VAV3: variants seen among roughly 807,000 people sequenced by gnomAD.
VAV3 encodes guanine nucleotide exchange factor VAV3.
Under a neutral mutation model 131.2 loss-of-function variants are expected in VAV3, and 94 were observed. The observed-to-expected ratio is 0.72, with a 90% CI of 0.61 to 0.85. The LOEUF (loss-of-function observed/expected upper bound fraction) is 0.85. Among genes scored for constraint, VAV3 ranks in the 40% least tolerant of loss-of-function variants. The probability of loss-of-function intolerance (pLI) is 0.00; values close to 1 mark genes in which losing one functional copy is unlikely to be tolerated. For synonymous variants in VAV3, 349 were observed against 342.0 expected, an observed-to-expected ratio of 1.02 and a Z score of -0.22; for missense variants, 939 against 1,002.7, an observed-to-expected ratio of 0.94 and a Z score of 0.86.
At chr1:107,705,286 C>G (rs897390315) in intron 15 of VAV3, among the ~76,000 whole-genome samples, 3 of 151,044 alleles carry the variant, frequency 2.0e-5, no homozygotes, top group African/African-American at 7.3e-5. Context: ...ACATAGCAAC[C>G]TAATCCTCCT....
chr1:107,640,051 T>C (rs894990787), intron 20 of VAV3, among the ~76,000 whole-genome samples: 2 of 152,140 alleles, frequency 1.3e-5, no homozygotes, highest in Non-Finnish European at 2.9e-5. Flanking sequence ...TGAGTAACAA[T>C]TTAATAATTT....
At chr1:107,741,947 G>A (rs986170177) in intron 15 of VAV3, among the ~76,000 whole-genome samples, 5 of 152,176 alleles carry the variant, frequency 3.3e-5, no homozygotes, top group African/African-American at 1.2e-4. Context: ...CAGACTACTA[G>A]AAAGAAACAT....
chr1:107,629,977 A>C (rs1422422184), intron 20 of VAV3, among the ~76,000 whole-genome samples: 1 of 152,164 alleles, frequency 6.6e-6, no homozygotes, highest in Admixed American at 6.6e-5. Flanking sequence ...CAGGTCAGAA[A>C]GCATAACTTC....
chr1:107,873,946 T>C (rs1458733014), intron 2 of VAV3, among the ~76,000 whole-genome samples: 1 of 152,204 alleles, frequency 6.6e-6, no homozygotes, highest in Non-Finnish European at 1.5e-5. Context: ...CTCAAGTTTA[T>C]GCTGTTTAGC....
chr1:107,603,415 G>A (rs560215166), intron 22 of VAV3, among the ~76,000 whole-genome samples: 1 of 152,262 alleles, frequency 6.6e-6, no homozygotes, highest in Non-Finnish European at 1.5e-5. Context: ...AAATAAATGG[G>A]ACACAGAGGA....
chr1:107,662,622 A>T (rs1657105609), intron 19 of VAV3, among the ~76,000 whole-genome samples: 1 of 152,216 alleles, frequency 6.6e-6, no homozygotes, highest in Non-Finnish European at 1.5e-5. Context: ...AAAGCTTCTT[A>T]TAGCCCAAAT....
intron 2 of VAV3, among the ~76,000 whole-genome samples, chr1:107,786,821 A>T (rs1172545108): frequency 6.6e-6 from 1 of 152,188 alleles, no homozygotes; most frequent in Admixed American, 6.5e-5. Context: ...TTTCCAGACA[A>T]GTCCTTTAGC....
intron 19 of VAV3, among the ~76,000 whole-genome samples, chr1:107,677,637 G>T (rs1658302875): frequency 6.6e-6 from 1 of 152,136 alleles, no homozygotes; most frequent in African/African-American, 2.4e-5. Context: ...ATATTTAATA[G>T]ATATATACTT....
intron 15 of VAV3, among the ~76,000 whole-genome samples, chr1:107,743,326 G>A (rs2102027621): frequency 6.6e-6 from 1 of 152,252 alleles, no homozygotes; most frequent in Admixed American, 6.5e-5. Flanking sequence ...GCAAGGGAGA[G>A]TTCAGGCAGC....
chr1:107,822,991 G>C (rs1667866738), intron 2 of VAV3, among the ~76,000 whole-genome samples: 2 of 152,096 alleles, frequency 1.3e-5, no homozygotes, highest in Admixed American at 1.3e-4. Flanking sequence ...GAGAATACTA[G>C]GAAGACAATA....
chr1:107,918,758 T>G (rs1672749348), intron 1 of VAV3, among the ~76,000 whole-genome samples: 1 of 149,304 alleles, frequency 6.7e-6, no homozygotes, highest in African/African-American at 2.5e-5. Context: ...CAGGCTGGAG[T>G]GCAATGGTGC....
In VAV3 at chr1:107,779,317, T is replaced by C. The variant is rs1665550043; in HGVS notation, c.380+117A>G. 16 of 839,624 alleles carry C rather than the reference T, an allele frequency of 1.9e-5. No individual in the cohort carries two copies. The South Asian group carries it at 3.3e-4, about 17-fold the overall frequency. 52.0% of individuals were successfully genotyped at this position (839,624 alleles called of 1,614,324 possible). ...TACGGGATACTTACATACCAGGCAC[T>C]CTTCATGAATGAGACATAGTACCTG... is the stretch of plus-strand genomic sequence containing the variant. On this transcript the variant is annotated intron_variant, in intron 3 of 26. Coordinates refer to ENST00000370056, the MANE Select transcript of VAV3 (RefSeq NM_006113.5).
chr1:107,765,023 A>G, intron 9 of VAV3, 53 bp downstream of exon 9: 1 of 1,244,222 alleles, frequency 8.0e-7, no homozygotes. Flanking sequence ...AGAGGAACAC[A>G]TTGCTTTTAG....
chr1:107,647,537 C>T (rs1048143398), intron 19 of VAV3, among the ~76,000 whole-genome samples: 4 of 151,938 alleles, frequency 2.6e-5, no homozygotes, highest in African/African-American at 9.7e-5. Flanking sequence ...TACAACTGGG[C>T]ATGGACCTCC....
intron 1 of VAV3, among the ~76,000 whole-genome samples, chr1:107,877,806 CAGG>C (rs1325695141): frequency 1.3e-5 from 2 of 152,066 alleles, no homozygotes; most frequent in Non-Finnish European, 1.5e-5. Context: ...TTAAATTTAT[CAGG>C]AGATTTTCCC....
rs1650239846 is a variant in VAV3, at chr1:107,583,524, CA to C, written c.2351-9327del. 3.3e-5 allele frequency among the ~76,000 whole-genome samples: 5 copies of C among 152,102 alleles called. No homozygotes were observed. The South Asian group carries it at 1.0e-3, about 32-fold the overall frequency. ...TCTAGAAAACCCCACTGTCTCAGCC[CA>C]AAATCTCCTTAAGCTGATAAGCAAC... On this transcript the variant is annotated intron_variant, in intron 25 of 26. Coordinates refer to ENST00000370056, the MANE Select transcript of VAV3 (RefSeq NM_006113.5).
rs146504994 is a variant in VAV3 at position 107,614,901 on chromosome 1, C to A, written c.1980+2666G>T. On this transcript the variant is annotated intron_variant, in intron 21 of 26. Transcript: ENST00000370056. ...ATGCTTAATATTCTTGATTTGATGTCTTTAGGTTCCCAAACTTCTTAATGT... is the reference window on the plus strand; with the variant it reads ...ATGCTTAATATTCTTGATTTGATGTATTTAGGTTCCCAAACTTCTTAATGT... 1.1e-3 allele frequency among the ~76,000 whole-genome samples: 164 copies of A among 152,210 alleles called. 1 individual carries two copies. The East Asian group carries it at 0.03, about 28-fold the overall frequency.
At chr1:107,907,917 G>A (rs532432026) in intron 1 of VAV3, among the ~76,000 whole-genome samples, 46 of 152,236 alleles carry the variant, frequency 3.0e-4, no homozygotes, top group African/African-American at 1.0e-3. Context: ...AAAGATATGC[G>A]TTATACTAAA....
chr1:107,653,829 A>G (rs1656348521), intron 19 of VAV3, among the ~76,000 whole-genome samples: 1 of 152,090 alleles, frequency 6.6e-6, no homozygotes, highest in African/African-American at 2.4e-5. Context: ...AACCACCAAC[A>G]TATTTACCTA....
Sources: allele counts gnomAD v4.1 joint callset (sites outside exome capture counted in the v4.1 genomes callset), GRCh38; gene constraint gnomAD v4.1.1; transcripts MANE v1.5; gene names NCBI Gene and HGNC (gene_info 2026-07-23, HGNC 2026-07-21).